The following FRMD4A variants were observed in gnomAD, a reference collection of about 807,000 sequenced individuals.
FRMD4A encodes the protein FERM domain-containing protein 4A.
In FRMD4A, 29 loss-of-function variants were observed where a neutral mutation model predicts 129.1. The ratio of observed to expected loss-of-function variants is 0.22; its 90% confidence interval spans 0.17 to 0.31. The LOEUF is 0.31. FRMD4A is among the 10% of genes least tolerant of loss of function. The pLI is 1.00. For synonymous variants in FRMD4A, 634 were observed against 571.6 expected (o/e 1.11, Z -1.56); for missense variants, 1,272 against 1,375.8 (o/e 0.92, Z 1.19).
chr10:13,922,664 C>G (rs971582173), intron 2 of FRMD4A, among the ~76,000 whole-genome samples: 1 of 152,192 alleles, frequency 6.6e-6, no homozygotes, highest in African/African-American at 2.4e-5. Context: ...CAAGATCATA[C>G]TGCTTCTGAC....
intron 3 of FRMD4A, among the ~76,000 whole-genome samples, chr10:13,847,426 C>T (rs558799651): frequency 6.6e-6 from 1 of 152,276 alleles, no homozygotes; most frequent in African/African-American, 2.4e-5. Flanking sequence ...TTCCCCAGAC[C>T]GTTCGCTTCC....
intron 2 of FRMD4A, among the ~76,000 whole-genome samples, chr10:13,919,300 G>C (rs1165100442): frequency 1.3e-5 from 2 of 152,226 alleles, no homozygotes; most frequent in Non-Finnish European, 2.9e-5. Flanking sequence ...AAGCTGTTCA[G>C]TCATCATGGT....
chr10:13,644,867 G>A lies in FRMD4A; in HGVS notation c.*2171C>T, dbSNP rs916524263. 3 of 152,196 alleles carry A rather than the reference G, an allele frequency of 2.0e-5. No individual in the cohort carries two copies. Among genetic ancestry groups the A allele is most frequent in the Non-Finnish European group, 4.4e-5 (3 of 68,032 alleles). The allele number at this position is 152,196 out of a possible 1,614,324, so 9.4% of individuals were successfully genotyped here. On this transcript the variant is annotated 3_prime_UTR_variant, in exon 25 of 25. Coordinates refer to ENST00000357447, the MANE Select transcript of FRMD4A (RefSeq NM_018027.5). ...AAAAGCAACAAAAATATCCCCCAGT[G>A]AATCCCTAGAATCATTTAATAATGT...
intron 2 of FRMD4A, among the ~76,000 whole-genome samples, chr10:13,892,823 G>T (rs1311227400): frequency 6.6e-6 from 1 of 152,052 alleles, no homozygotes; most frequent in African/African-American, 2.4e-5. Context: ...TACAAACTTC[G>T]TAATAAAAAG....
intron 6 of FRMD4A, among the ~76,000 whole-genome samples, chr10:13,765,823 G>C (rs115047224): frequency 1.5e-3 from 221 of 152,324 alleles, no homozygotes; most frequent in African/African-American, 5.1e-3. Flanking sequence ...TTCCACAATA[G>C]ATGGTTTCTA....
At chr10:13,670,982 C>A (rs1046745651) in intron 16 of FRMD4A, among the ~76,000 whole-genome samples, 1 of 152,146 alleles carries the variant, frequency 6.6e-6, no homozygotes, top group South Asian at 2.1e-4. Flanking sequence ...GCTCAAATAT[C>A]TAAGTTTAAA....
chr10:14,191,805 T>TCTCTC (rs1491523483), intron 2 of FRMD4A, among the ~76,000 whole-genome samples: 7 of 140,846 alleles, frequency 5.0e-5, no homozygotes, highest in Non-Finnish European at 9.5e-5. Context: ...TTTTTTTTTT[T>TCTCTC]TCTCTCTCTC....
chr10:14,122,500 G>A (rs1838583402), intron 2 of FRMD4A, among the ~76,000 whole-genome samples: 1 of 151,770 alleles, frequency 6.6e-6, no homozygotes, highest in Middle Eastern at 3.4e-3. Context: ...ACATAATGCT[G>A]GCATCTGCTT....
intron 2 of FRMD4A, among the ~76,000 whole-genome samples, chr10:13,910,746 A>C (rs1017794175): frequency 1.3e-5 from 2 of 152,214 alleles, no homozygotes; most frequent in African/African-American, 4.8e-5. Context: ...CACAATATCA[A>C]CTGGAACCAA....
chr10:14,153,859 T>C (rs1014849416), intron 2 of FRMD4A, among the ~76,000 whole-genome samples: 2 of 152,176 alleles, frequency 1.3e-5, no homozygotes, highest in African/African-American at 2.4e-5. Flanking sequence ...AATCAATCAA[T>C]CGTTCTTTCC....
chr10:13,738,958 G>A (rs774668489), intron 11 of FRMD4A, among the ~76,000 whole-genome samples: 2 of 152,258 alleles, frequency 1.3e-5, no homozygotes, highest in Non-Finnish European at 2.9e-5. Context: ...TCACCTGAGC[G>A]TAAGTTGCAA....
chr10:14,270,776 G>T (rs10906641), intron 2 of FRMD4A, among the ~76,000 whole-genome samples: 8,401 of 152,158 alleles, frequency 0.055, 284 homozygotes, highest in South Asian at 0.17. Flanking sequence ...TAAGAGTGAC[G>T]TTCCCACGGT....
At chr10:14,012,164 G>A (rs1164793295) in intron 2 of FRMD4A, among the ~76,000 whole-genome samples, 1 of 151,884 alleles carries the variant, frequency 6.6e-6, no homozygotes, top group Non-Finnish European at 1.5e-5. Flanking sequence ...TGGGAGTTGA[G>A]GGGGGAAAGA....
intron 4 of FRMD4A, among the ~76,000 whole-genome samples, chr10:13,809,732 ACAC>A (rs1249673437): frequency 6.6e-6 from 1 of 152,224 alleles, no homozygotes; most frequent in Non-Finnish European, 1.5e-5. Context: ...CTCTCTGAAC[ACAC>A]CACAGCCTGA....
chr10:14,119,827 G>A (rs183921987), intron 2 of FRMD4A, among the ~76,000 whole-genome samples: 26 of 152,230 alleles, frequency 1.7e-4, no homozygotes, highest in Middle Eastern at 3.4e-3. Flanking sequence ...CAAGGCTGAG[G>A]GAATATGTGG....
intron 2 of FRMD4A, among the ~76,000 whole-genome samples, chr10:14,277,510 G>A (rs1252730547): frequency 6.6e-6 from 1 of 152,230 alleles, no homozygotes; most frequent in African/African-American, 2.4e-5. Flanking sequence ...AAATCTGCCA[G>A]TACCTTGATC....
At chr10:13,726,973 G>A (rs777121123) in intron 12 of FRMD4A, among the ~76,000 whole-genome samples, 7 of 152,210 alleles carry the variant, frequency 4.6e-5, no homozygotes, top group East Asian at 3.9e-4. Flanking sequence ...GCACGACCTC[G>A]GCCACTGCAA....
chr10:14,231,334 T>C (rs1044261532), intron 2 of FRMD4A, among the ~76,000 whole-genome samples: 1 of 151,772 alleles, frequency 6.6e-6, no homozygotes, highest in African/African-American at 2.4e-5. Context: ...TATGAGATGA[T>C]ATCTCATTGT....
At chr10:13,866,197 T>C in intron 2 of FRMD4A, 1 of 449,774 alleles carries the variant, frequency 2.2e-6, no homozygotes, top group South Asian at 9.5e-5. Context: ...ATGCTATCCT[T>C]TAAAACTTAG....
Sources: allele counts gnomAD v4.1 joint callset (sites outside exome capture counted in the v4.1 genomes callset), GRCh38; gene constraint gnomAD v4.1.1; transcripts MANE v1.5; gene names NCBI Gene and HGNC (gene_info 2026-07-23, HGNC 2026-07-21).